Variants in SLC9C1 observed in about 807,000 individuals in gnomAD.
The protein encoded by SLC9C1 is sodium/hydrogen exchanger 10.
SLC9C1 carries 97 observed loss-of-function variants against 140.9 expected under a neutral mutation model. That is an observed-to-expected ratio of 0.69 (90% CI 0.58 to 0.82). SLC9C1 has a LOEUF of 0.82. Ranked by LOEUF, SLC9C1 falls within the 40% of genes least tolerant of loss-of-function variation. The pLI is 0.00. For synonymous variants in SLC9C1, 440 were observed against 442.6 expected (o/e 0.99, Z 0.07); for missense variants, 1,340 against 1,389.3 (o/e 0.96, Z 0.56).
At chr3:112,154,927 G>A in intron 27 of SLC9C1, 70 bp downstream of exon 27, 2 of 1,399,818 alleles carry the variant, frequency 1.4e-6, no homozygotes, top group Non-Finnish European at 2.0e-6. Context: ...AAACACATTG[G>A]TAGTTTCCAT....
chr3:112,215,127 G>C (rs1203693369), intron 15 of SLC9C1, among the ~76,000 whole-genome samples: 1 of 152,164 alleles, frequency 6.6e-6, no homozygotes, highest in African/African-American at 2.4e-5. Flanking sequence ...TATCTCAATA[G>C]ATGCAGAAAA....
intron 12 of SLC9C1, among the ~76,000 whole-genome samples, chr3:112,236,264 T>C (rs1234831557): frequency 6.6e-6 from 1 of 152,188 alleles, no homozygotes; most frequent in East Asian, 1.9e-4. Flanking sequence ...TGTAGAGGTG[T>C]TTATGGTATT....
At chr3:112,255,414 A>G (rs931728385) in intron 10 of SLC9C1, among the ~76,000 whole-genome samples, 8 of 152,102 alleles carry the variant, frequency 5.3e-5, no homozygotes, top group Non-Finnish European at 7.4e-5. Flanking sequence ...AAAAACAGAA[A>G]TTAAGGCTAA....
At chr3:112,164,299 A>T (rs1180146809) in intron 26 of SLC9C1, among the ~76,000 whole-genome samples, 1 of 146,280 alleles carries the variant, frequency 6.8e-6, no homozygotes, top group Non-Finnish European at 1.5e-5. Flanking sequence ...TTTTGTGTGA[A>T]TTTGATCCTG....
At chr3:112,222,551 C>T (rs973880551) in intron 13 of SLC9C1, among the ~76,000 whole-genome samples, 2 of 152,056 alleles carry the variant, frequency 1.3e-5, no homozygotes, top group Non-Finnish European at 2.9e-5. Context: ...CATAGAATAT[C>T]ACAAGCGAAA....
chr3:112,147,240 A>G (rs1344476198), intron 28 of SLC9C1, among the ~76,000 whole-genome samples: 5 of 152,230 alleles, frequency 3.3e-5, no homozygotes, highest in Middle Eastern at 3.4e-3. Context: ...TTTAAATTCA[A>G]CTTGCCCCTC....
chr3:112,292,976 A>G (rs1167566596), intron 1 of SLC9C1, among the ~76,000 whole-genome samples: 6 of 151,570 alleles, frequency 4.0e-5, no homozygotes, highest in South Asian at 2.1e-4. Context: ...TAATTTAACA[A>G]TAAGTTAGTT....
chr3:112,230,203 C>A (rs144115705), intron 13 of SLC9C1, among the ~76,000 whole-genome samples: 5 of 152,226 alleles, frequency 3.3e-5, no homozygotes, highest in Non-Finnish European at 7.4e-5. Flanking sequence ...TTTATATTGA[C>A]TGACAATTTT....
intron 1 of SLC9C1, 45 bp downstream of exon 1, chr3:112,294,048 A>T (rs1476681586): frequency 6.6e-6 from 1 of 152,224 alleles, no homozygotes. Flanking sequence ...TACCAGTAGG[A>T]AAGGTCAACT....
chr3:112,284,921 A>G (rs1576528150), intron 2 of SLC9C1, among the ~76,000 whole-genome samples: 1 of 147,940 alleles, frequency 6.8e-6, no homozygotes, highest in Admixed American at 6.7e-5. Flanking sequence ...TAAATTACTA[A>G]AAGTTTTATT....
chr3:112,142,712 A>G (rs1246587772), intron 28 of SLC9C1, among the ~76,000 whole-genome samples: 6 of 152,216 alleles, frequency 3.9e-5, no homozygotes, highest in African/African-American at 1.4e-4. Context: ...TCTTTGGGCA[A>G]TAATAAAAAA....
At chr3:112,189,108 C>T (rs1004006374) in intron 20 of SLC9C1, among the ~76,000 whole-genome samples, 2 of 151,966 alleles carry the variant, frequency 1.3e-5, no homozygotes, top group Non-Finnish European at 2.9e-5. Flanking sequence ...TGTTTGAGTT[C>T]TTTGTAGATT....
intron 15 of SLC9C1, among the ~76,000 whole-genome samples, chr3:112,211,964 G>A (rs1392122086): frequency 6.6e-6 from 1 of 152,208 alleles, no homozygotes; most frequent in African/African-American, 2.4e-5. Context: ...CCCAGTAAGG[G>A]CAGACTGACA....
intron 13 of SLC9C1, among the ~76,000 whole-genome samples, chr3:112,226,936 G>C (rs1025826472): frequency 1.3e-5 from 2 of 151,956 alleles, no homozygotes; most frequent in African/African-American, 4.8e-5. Flanking sequence ...CAAACCATTA[G>C]ACTAAGAAAA....
chr3:112,175,609 A>T (rs2077322009), intron 23 of SLC9C1, among the ~76,000 whole-genome samples: 1 of 152,182 alleles, frequency 6.6e-6, no homozygotes, highest in Non-Finnish European at 1.5e-5. Context: ...TGTAACAAGG[A>T]GGTTTGAAAC....
chr3:112,167,922 G>A (rs780808254), intron 25 of SLC9C1, among the ~76,000 whole-genome samples: 1 of 152,100 alleles, frequency 6.6e-6, no homozygotes, highest in Non-Finnish European at 1.5e-5. Flanking sequence ...AGAGAGCAGC[G>A]TAGCGGAGAA....
At chr3:112,203,009 A>C (rs1326083077) in intron 17 of SLC9C1, among the ~76,000 whole-genome samples, 1 of 151,980 alleles carries the variant, frequency 6.6e-6, no homozygotes, top group Non-Finnish European at 1.5e-5. Context: ...ACTAATCTCC[A>C]AAGGGTTTAC....
At chr3:112,283,477 TA>T (rs200690332) in intron 2 of SLC9C1, among the ~76,000 whole-genome samples, 130 of 80,508 alleles carry the variant, frequency 1.6e-3, no homozygotes, top group Non-Finnish European at 1.2e-3. Flanking sequence ...ACCCTATCTC[TA>T]AAAAAAAAAA....
intron 28 of SLC9C1, among the ~76,000 whole-genome samples, chr3:112,149,705 T>C (rs1038706859): frequency 6.6e-6 from 1 of 152,016 alleles, no homozygotes; most frequent in Non-Finnish European, 1.5e-5. Flanking sequence ...CACTGTACCA[T>C]GATCTATGTC....
Sources: gnomAD v4.1 joint callset for allele counts (sites outside exome capture counted in the v4.1 genomes callset) on GRCh38, gnomAD v4.1.1 for gene constraint, MANE v1.5 for transcripts, NCBI Gene and HGNC (gene_info 2026-07-23, HGNC 2026-07-21) for gene names.